TNRC6B: variants seen among roughly 807,000 people sequenced by gnomAD.
The protein encoded by TNRC6B is trinucleotide repeat-containing gene 6B protein.
TNRC6B carries 52 observed loss-of-function variants against 203.6 expected under a neutral mutation model. The observed-to-expected ratio is 0.26, with a 90% CI of 0.20 to 0.32. The LOEUF is 0.32. TNRC6B is among the 10% of genes least tolerant of loss of function. TNRC6B has a pLI of 1.00. For synonymous variants in TNRC6B, 838 were observed against 845.7 expected (o/e 0.99, Z 0.16); for missense variants, 1,923 against 2,286.2 (o/e 0.84, Z 3.24).
intron 15 of TNRC6B, among the ~76,000 whole-genome samples, chr22:40,302,675 T>C (rs1478171632): frequency 6.7e-6 from 1 of 150,276 alleles, no homozygotes; most frequent in African/African-American, 2.4e-5. Flanking sequence ...ATGAAATTGC[T>C]GGTTCTAGGT....
At position 40,151,065 on chromosome 22, in the gene TNRC6B, A is replaced by T. The variant is rs565047175; in HGVS notation, c.46-5050A>T. ...TATGAATGAAAGATGGTGACCAAAG[A>T]CAAAAGAGGAACTTGGAGGAAACAG... On this transcript the variant is annotated intron_variant, in intron 3 of 23. Coordinates refer to the TNRC6B transcript ENST00000301923. Among the ~76,000 whole-genome samples, 4 of 152,356 alleles carry T rather than the reference A, an allele frequency of 2.6e-5. No homozygotes were observed. In the East Asian group the frequency reaches 7.7e-4, roughly 29 times the overall value.
chr22:40,313,515 A>C (rs1362948500), intron 19 of TNRC6B, among the ~76,000 whole-genome samples: 1 of 152,212 alleles, frequency 6.6e-6, no homozygotes, highest in East Asian at 1.9e-4. Context: ...GGAAATGGAA[A>C]AGTTGGTGGA....
rs745771892 is a variant in TNRC6B, at chr22:40,285,624, C to G, written c.3583-21C>G. 4 of 1,603,024 alleles carry G rather than the reference C, an allele frequency of 2.5e-6. 1 individual carries two copies. The highest frequency in any genetic ancestry group is 3.4e-6 in the Non-Finnish European group (4 of 1,177,024). ...TTTCTTATGTTAACAAAAAGCCTTA[C>G]TGCTGCTTTTCTGTTTACAGGGCGG... On this transcript the variant is annotated intron_variant, in intron 11 of 22. Coordinates refer to ENST00000454349, the MANE Select transcript of TNRC6B (RefSeq NM_001162501.2).
chr22:40,174,496 T>TA (rs550596579), upstream of TNRC6B, among the ~76,000 whole-genome samples: 223 of 152,322 alleles, frequency 1.5e-3, 1 homozygote, highest in Middle Eastern at 0.01. Context: ...TGTTTTCTGA[T>TA]AAAAATATTT....
At chr22:40,312,801 G>A in intron 18 of TNRC6B, 101 bp from the exon 19 acceptor site, 1 of 1,471,636 alleles carries the variant, frequency 6.8e-7, no homozygotes, top group Non-Finnish European at 9.4e-7. Context: ...GACATATTTT[G>A]TCCTCCATTC....
At chr22:40,259,032 G>A (rs1054067853) in intron 3 of TNRC6B, among the ~76,000 whole-genome samples, 4 of 152,108 alleles carry the variant, frequency 2.6e-5, no homozygotes, top group African/African-American at 7.2e-5. Context: ...AACCAGTTGG[G>A]ATGAATTTCT....
intron 12 of TNRC6B, among the ~76,000 whole-genome samples, chr22:40,299,360 C>A (rs1807554): frequency 6.6e-6 from 1 of 151,612 alleles, no homozygotes; most frequent in Admixed American, 6.6e-5. Context: ...CTGCCTCAGC[C>A]TCCCTAGTAG....
At chr22:40,086,563 G>A (rs1444670963) in intron 1 of TNRC6B, among the ~76,000 whole-genome samples, 8 of 152,238 alleles carry the variant, frequency 5.3e-5, no homozygotes, top group Middle Eastern at 3.4e-3. Flanking sequence ...GGGAGCTCTC[G>A]TTCTTTTCAG....
chr22:40,203,895 A>G (rs563079814), intron 1 of TNRC6B, among the ~76,000 whole-genome samples: 9 of 152,120 alleles, frequency 5.9e-5, no homozygotes, highest in Non-Finnish European at 1.3e-4. Context: ...GTGGGCCTCT[A>G]GTTGTTCTTT....
At chr22:40,276,332 G>GAA (rs368624697) in intron 7 of TNRC6B, among the ~76,000 whole-genome samples, 7 of 118,162 alleles carry the variant, frequency 5.9e-5, no homozygotes, top group Admixed American at 1.8e-4. Flanking sequence ...GGGTGACAGA[G>GAA]AAAAAAAAAA....
intron 1 of TNRC6B, among the ~76,000 whole-genome samples, chr22:40,074,873 G>C (rs1407821277): frequency 6.6e-6 from 1 of 151,990 alleles, no homozygotes; most frequent in African/African-American, 2.4e-5. Context: ...TGGGAGGATT[G>C]CTTGAGCCTG....
intron 1 of TNRC6B, among the ~76,000 whole-genome samples, chr22:40,045,746 G>C (rs1366582691): frequency 6.6e-6 from 1 of 152,220 alleles, no homozygotes; most frequent in Non-Finnish European, 1.5e-5. Flanking sequence ...TTATTCGGCT[G>C]TAGAGGCTGG....
intron 1 of TNRC6B, among the ~76,000 whole-genome samples, chr22:40,072,268 A>G (rs1409214495): frequency 6.6e-6 from 1 of 152,212 alleles, no homozygotes; most frequent in Non-Finnish European, 1.5e-5. Context: ...AGCATATAAT[A>G]TATTTGACAG....
At chr22:40,252,177 TAA>T (rs1177548185) in intron 3 of TNRC6B, among the ~76,000 whole-genome samples, 1 of 152,220 alleles carries the variant, frequency 6.6e-6, no homozygotes, top group Non-Finnish European at 1.5e-5. Flanking sequence ...CTTGCCCACT[TAA>T]ATATGTGTTT....
At chr22:40,281,396 G>T in intron 11 of TNRC6B, 107 bp downstream of exon 11, 1 of 871,206 alleles carries the variant, frequency 1.1e-6, no homozygotes, top group Non-Finnish European at 1.6e-6. Flanking sequence ...GTTGATTACT[G>T]AATGCACAGA....
At chr22:40,182,299 T>G (rs985183243) in intron 1 of TNRC6B, among the ~76,000 whole-genome samples, 11 of 152,102 alleles carry the variant, frequency 7.2e-5, no homozygotes, top group African/African-American at 2.7e-4. Context: ...CATTTAATAA[T>G]TTTTAGTTAT....
chr22:40,212,568 A>C (rs1023876625), intron 1 of TNRC6B, among the ~76,000 whole-genome samples: 2 of 152,208 alleles, frequency 1.3e-5, no homozygotes, highest in Non-Finnish European at 2.9e-5. Flanking sequence ...ACATACTTCC[A>C]GCATGCATAG....
chr22:40,315,437 A>G lies in TNRC6B; in HGVS notation c.4833A>G (p.Ser1611=), dbSNP rs761833454. The G allele has an allele frequency of 6.2e-7, 1 of 1,613,864 alleles. No homozygotes were observed. Among genetic ancestry groups the G allele is most frequent in the Non-Finnish European group, 8.5e-7 (1 of 1,179,860 alleles). The change falls in exon 20 of 23, where the codon TCA becomes TCG. Residue 1611 remains serine, a synonymous_variant. Coordinates refer to ENST00000454349, the MANE Select transcript of TNRC6B (RefSeq NM_001162501.2). ...CTGGTCTGACCAACCCCAAACCATC[A>G]TCTCCCTGGAGCAGCACAGCACCCC... ...PPPGLTNPKP[S]SPWSSTAPRS...
intron 1 of TNRC6B, among the ~76,000 whole-genome samples, chr22:40,070,360 A>G (rs1180697765): frequency 1.3e-5 from 2 of 152,162 alleles, no homozygotes; most frequent in African/African-American, 2.4e-5. Context: ...TTAACTTTTG[A>G]AATTAATGTT....
Sources: gnomAD v4.1 joint callset for allele counts (sites outside exome capture counted in the v4.1 genomes callset) on GRCh38, gnomAD v4.1.1 for gene constraint, MANE v1.5 for transcripts, NCBI Gene and HGNC (gene_info 2026-07-23, HGNC 2026-07-21) for gene names.